The following SLC35F1 variants were observed in gnomAD, a reference collection of about 807,000 sequenced individuals.
SLC35F1 encodes the protein chromosome 6 open reading frame 169.
Under a neutral mutation model 48.7 loss-of-function variants are expected in SLC35F1, and 14 were observed. That is an observed-to-expected ratio of 0.29 (90% CI 0.19 to 0.45). The LOEUF (loss-of-function observed/expected upper bound fraction) is 0.45. Ranked by LOEUF, SLC35F1 falls within the 20% of genes least tolerant of loss-of-function variation. SLC35F1 has a pLI of 1.00. For missense variants in SLC35F1, 404 were observed against 500.0 expected (o/e 0.81, Z 1.83); for synonymous variants, 190 against 202.2 (o/e 0.94, Z 0.51).
intron 6 of SLC35F1, among the ~76,000 whole-genome samples, chr6:118,280,855 G>C (rs971407481): frequency 6.7e-6 from 1 of 149,152 alleles, no homozygotes. Flanking sequence ...TGGAAACAGA[G>C]CAAGAGTCTG....
intron 1 of SLC35F1, among the ~76,000 whole-genome samples, chr6:118,087,442 C>T (rs1050543328): frequency 2.6e-5 from 4 of 152,116 alleles, no homozygotes; most frequent in African/African-American, 9.7e-5. Flanking sequence ...GGCCCCTTAC[C>T]TCTTTAGCAG....
intron 1 of SLC35F1, among the ~76,000 whole-genome samples, chr6:118,112,077 T>TC (rs1491134042): frequency 7.4e-6 from 1 of 135,136 alleles, no homozygotes; most frequent in Non-Finnish European, 1.5e-5. Context: ...TCTTTTTCTT[T>TC]ATTTCTTTCT....
intron 1 of SLC35F1, among the ~76,000 whole-genome samples, chr6:118,133,000 A>G (rs1346825179): frequency 6.6e-6 from 1 of 152,146 alleles, no homozygotes; most frequent in Non-Finnish European, 1.5e-5. Flanking sequence ...GGAGGAAGGA[A>G]GAGGGTTGAC....
chr6:118,090,495 G>A (rs1325430795), intron 1 of SLC35F1, among the ~76,000 whole-genome samples: 1 of 152,190 alleles, frequency 6.6e-6, no homozygotes, highest in East Asian at 1.9e-4. Flanking sequence ...TGACATTTAA[G>A]CCTCAACTTC....
At chr6:117,977,476 G>A (rs570071459) in intron 1 of SLC35F1, among the ~76,000 whole-genome samples, 4 of 152,088 alleles carry the variant, frequency 2.6e-5, no homozygotes, top group Non-Finnish European at 5.9e-5. Context: ...TGTTAGCTAA[G>A]TATTGATATA....
intron 1 of SLC35F1, among the ~76,000 whole-genome samples, chr6:118,096,891 C>G (rs879901823): frequency 6.6e-6 from 1 of 152,202 alleles, no homozygotes; most frequent in Admixed American, 6.5e-5. Context: ...AAGACTCACT[C>G]TCCTTTTTAT....
intron 7 of SLC35F1, among the ~76,000 whole-genome samples, chr6:118,305,398 C>T (rs1452448920): frequency 1.3e-5 from 2 of 151,954 alleles, no homozygotes; most frequent in Non-Finnish European, 2.9e-5. Context: ...TCTGTTTTGT[C>T]CAATACCTAG....
chr6:118,115,306 T>G (rs75270303), intron 1 of SLC35F1, among the ~76,000 whole-genome samples: 1 of 152,220 alleles, frequency 6.6e-6, no homozygotes, highest in African/African-American at 2.4e-5. Flanking sequence ...ACTGACCACA[T>G]AGCAGGCATG....
At chr6:118,131,172 A>G (rs934883157) in intron 1 of SLC35F1, among the ~76,000 whole-genome samples, 6 of 152,178 alleles carry the variant, frequency 3.9e-5, no homozygotes, top group Admixed American at 3.9e-4. Context: ...TGATTAACTT[A>G]AGAGAGGAGG....
intron 7 of SLC35F1, among the ~76,000 whole-genome samples, chr6:118,296,993 C>T (rs926529657): frequency 6.6e-6 from 1 of 152,120 alleles, no homozygotes; most frequent in Non-Finnish European, 1.5e-5. Context: ...AGATGTAAAA[C>T]AAAGATTGGC....
At chr6:118,225,245 A>G (rs2114568799) in intron 2 of SLC35F1, among the ~76,000 whole-genome samples, 1 of 152,352 alleles carries the variant, frequency 6.6e-6, no homozygotes, top group Middle Eastern at 3.4e-3. Flanking sequence ...AAAATATACT[A>G]CAAAGTTATG....
chr6:118,107,294 A>G (rs1170606921), intron 1 of SLC35F1, among the ~76,000 whole-genome samples: 13 of 152,312 alleles, frequency 8.5e-5, no homozygotes, highest in African/African-American at 3.1e-4. Flanking sequence ...TCTGTCCAAT[A>G]ACCCTTATCA....
chr6:118,222,520 T>A (rs1196034551), intron 2 of SLC35F1, among the ~76,000 whole-genome samples: 1 of 152,066 alleles, frequency 6.6e-6, no homozygotes, highest in South Asian at 2.1e-4. Flanking sequence ...TATAAAAATA[T>A]TACCATAAAG....
intron 1 of SLC35F1, among the ~76,000 whole-genome samples, chr6:118,070,853 C>T (rs1443786787): frequency 7.4e-6 from 1 of 135,220 alleles, no homozygotes; most frequent in Non-Finnish European, 1.6e-5. Flanking sequence ...TATATATATA[C>T]ACATAGGATA....
At chr6:118,016,351 C>T (rs1344160345) in intron 1 of SLC35F1, among the ~76,000 whole-genome samples, 3 of 152,154 alleles carry the variant, frequency 2.0e-5, no homozygotes, top group African/African-American at 7.2e-5. Context: ...CAAATATTTA[C>T]TGTTTCATGC....
At chr6:118,044,731 C>G (rs1772275825) in intron 1 of SLC35F1, among the ~76,000 whole-genome samples, 1 of 152,172 alleles carries the variant, frequency 6.6e-6, no homozygotes, top group Non-Finnish European at 1.5e-5. Flanking sequence ...ATAGCTGCAC[C>G]TACAAAATCT....
rs527842441 is a variant in SLC35F1 at position 118,159,063 on chromosome 6, A to G, written c.349+4443A>G. Among the ~76,000 whole-genome samples the G allele has an allele frequency of 3.9e-5, 6 of 152,040 alleles. No homozygotes were observed. The South Asian group carries it at 1.0e-3, about 26-fold the overall frequency. On this transcript the variant is annotated intron_variant, in intron 2 of 7. Transcript: ENST00000360388. ...GTGAAACCCCGTCTCTACTAAAAAT[A>G]CAAAAAAATTAGCTGGGCGTGGTGG...
chr6:117,960,651 C>T (rs116169503), intron 1 of SLC35F1, among the ~76,000 whole-genome samples: 2 of 152,138 alleles, frequency 1.3e-5, no homozygotes, highest in Admixed American at 1.3e-4. Context: ...ATATCCCCCC[C>T]AAAAGTGGGT....
At chr6:118,146,679 C>T (rs1773978177) in intron 1 of SLC35F1, among the ~76,000 whole-genome samples, 8 of 152,034 alleles carry the variant, frequency 5.3e-5, no homozygotes, top group Admixed American at 5.2e-4. Context: ...ATGTTTCATG[C>T]TCCCTCTAAA....
Sources: gnomAD v4.1 joint callset for allele counts (sites outside exome capture counted in the v4.1 genomes callset) on GRCh38, gnomAD v4.1.1 for gene constraint, MANE v1.5 for transcripts, NCBI Gene and HGNC (gene_info 2026-07-23, HGNC 2026-07-21) for gene names.